The following SLC16A9 variants were observed in gnomAD, a reference collection of about 807,000 sequenced individuals.
The protein encoded by SLC16A9 is monocarboxylate transporter 9.
SLC16A9 carries 26 observed loss-of-function variants against 44.3 expected under a neutral mutation model. That is an observed-to-expected ratio of 0.59 (90% CI 0.43 to 0.81). SLC16A9 has a LOEUF of 0.81. Among genes scored for constraint, SLC16A9 ranks in the 40% least tolerant of loss-of-function variants. The pLI is 0.00. For missense variants in SLC16A9, 559 were observed against 595.8 expected, an observed-to-expected ratio of 0.94 and a Z score of 0.64; for synonymous variants, 230 against 225.1, an observed-to-expected ratio of 1.02 and a Z score of -0.19.
At chr10:59,679,115 T>C (rs556006654) in intron 2 of SLC16A9, among the ~76,000 whole-genome samples, 2 of 152,286 alleles carry the variant, frequency 1.3e-5, no homozygotes, top group African/African-American at 4.8e-5. Context: ...GACTCTCAAA[T>C]CTGCTTTGAG....
Position 59,650,824 on chromosome 10 carries a change from C to T in SLC16A9, c.*1948G>A, listed in dbSNP as rs933078066. 11 of 152,098 alleles carry T rather than the reference C, an allele frequency of 7.2e-5. No individual in the cohort carries two copies. The highest frequency in any genetic ancestry group is 1.9e-4 in the East Asian group (1 of 5,188). 9.4% of individuals were successfully genotyped at this position (152,098 alleles called of 1,614,324 possible). Reference sequence around the variant, plus strand: ...AATTCATCCCCTAGACAACAGATAACGCCCACATTGGATGTTATTTAGCAG... The same window carrying T: ...AATTCATCCCCTAGACAACAGATAATGCCCACATTGGATGTTATTTAGCAG... On this transcript the variant is annotated 3_prime_UTR_variant, in exon 6 of 6. Coordinates refer to ENST00000395348, the MANE Select transcript of SLC16A9 (RefSeq NM_194298.3).
rs12261965 is a variant in SLC16A9, at chr10:59,698,374, C to T, written c.-37+11105G>A. On this transcript the variant is annotated intron_variant, in intron 1 of 5. Transcript: ENST00000395348. The stretch of plus-strand genomic sequence containing the variant: ...GACTTGCTGTATTTGACTCTGTCCC[C>T]ACTGGTGGTGGCAATGCTATTAACC... Among the ~76,000 whole-genome samples, 1,017 of 152,278 alleles carry T rather than the reference C, an allele frequency of 6.7e-3. 8 individuals carry two copies. Among genetic ancestry groups the T allele is most frequent in the African/African-American group, 0.023 (948 of 41,546 alleles).
At chr10:59,678,853 A>G (rs979224532) in intron 2 of SLC16A9, among the ~76,000 whole-genome samples, 3 of 151,996 alleles carry the variant, frequency 2.0e-5, no homozygotes, top group African/African-American at 7.3e-5. Context: ...ACCAATCTTA[A>G]AACTGCCTAG....
intron 4 of SLC16A9, among the ~76,000 whole-genome samples, chr10:59,655,031 C>G (rs1014983518): frequency 3.3e-5 from 5 of 152,154 alleles, no homozygotes; most frequent in African/African-American, 4.8e-5. Context: ...GTGGCTCAGG[C>G]CTGTAATCCC....
rs547947056 is a variant in SLC16A9 at position 59,696,500 on chromosome 10, G to A, written c.-36-12173C>T. Among the ~76,000 whole-genome samples the A allele has an allele frequency of 2.5e-4, 38 of 152,302 alleles. No homozygotes were observed. The South Asian group carries it at 7.9e-3, about 32-fold the overall frequency. ...CTGCCTTGGCCCCCCAAAGTGCCGA[G>A]ATTGCAGCCTCTGCCCGGCCGCCAC... On this transcript the variant is annotated intron_variant, in intron 1 of 5. Transcript: ENST00000395348.
chr10:59,703,413 C>T (rs1333795709), intron 1 of SLC16A9, among the ~76,000 whole-genome samples: 2 of 152,098 alleles, frequency 1.3e-5, no homozygotes, highest in East Asian at 3.8e-4. Flanking sequence ...ATCAATAGTG[C>T]GGCTATGAAA....
At chr10:59,671,047 C>T (rs532928566) in intron 3 of SLC16A9, among the ~76,000 whole-genome samples, 9 of 152,270 alleles carry the variant, frequency 5.9e-5, no homozygotes, top group East Asian at 3.9e-4. Flanking sequence ...AAGACCCATA[C>T]GAGGTAGGTT....
At chr10:59,659,000 T>C (rs1413982566) in intron 4 of SLC16A9, among the ~76,000 whole-genome samples, 1 of 152,138 alleles carries the variant, frequency 6.6e-6, no homozygotes, top group Admixed American at 6.6e-5. Flanking sequence ...ATATGTAAAT[T>C]TACAACTTTT....
intron 3 of SLC16A9, among the ~76,000 whole-genome samples, chr10:59,667,584 C>A (rs976052312): frequency 2.0e-5 from 3 of 152,138 alleles, no homozygotes; most frequent in African/African-American, 7.2e-5. Flanking sequence ...CTTAATACAG[C>A]ACATTTTAAT....
intron 4 of SLC16A9, among the ~76,000 whole-genome samples, chr10:59,662,633 C>CAAAAA (rs71006278): frequency 0.04 from 1,713 of 43,028 alleles, 99 homozygotes; most frequent in Non-Finnish European, 0.057. Context: ...AACTCCATCT[C>CAAAAA]AAAAAAAAAA....
chr10:59,679,717 T>C (rs1009425676), intron 2 of SLC16A9, among the ~76,000 whole-genome samples: 13 of 152,178 alleles, frequency 8.5e-5, no homozygotes, highest in Admixed American at 7.9e-4. Context: ...CCTAGCCAAG[T>C]TGAAACATAA....
intron 1 of SLC16A9, among the ~76,000 whole-genome samples, chr10:59,698,660 G>A (rs1165054069): frequency 6.6e-6 from 1 of 152,140 alleles, no homozygotes; most frequent in Non-Finnish European, 1.5e-5. Flanking sequence ...TGGGCAGTCA[G>A]TGCCCAGATA....
intron 4 of SLC16A9, 52 bp downstream of exon 4, chr10:59,664,175 T>C: frequency 7.6e-7 from 1 of 1,314,772 alleles, no homozygotes; most frequent in Non-Finnish European, 1.1e-6. Context: ...AACTTTTTAC[T>C]TTGTTTAGAA....
At chr10:59,699,482 G>A (rs760919770) in intron 1 of SLC16A9, among the ~76,000 whole-genome samples, 2 of 152,248 alleles carry the variant, frequency 1.3e-5, no homozygotes, top group Admixed American at 6.5e-5. Context: ...TGGATAACCC[G>A]AGTGTACATC....
intron 3 of SLC16A9, among the ~76,000 whole-genome samples, chr10:59,672,431 T>A (rs969400610): frequency 1.3e-5 from 2 of 152,156 alleles, no homozygotes; most frequent in African/African-American, 4.8e-5. Flanking sequence ...AAGGGCCACT[T>A]CATAATTTAG....
chr10:59,658,817 T>C (rs955108934), intron 4 of SLC16A9, among the ~76,000 whole-genome samples: 2 of 152,184 alleles, frequency 1.3e-5, no homozygotes, highest in Admixed American at 1.3e-4. Context: ...TTTTAAAATA[T>C]GTTGGGGAAA....
At chr10:59,676,810 C>A (rs561845612) in intron 2 of SLC16A9, among the ~76,000 whole-genome samples, 1 of 151,354 alleles carries the variant, frequency 6.6e-6, no homozygotes, top group Non-Finnish European at 1.5e-5. Flanking sequence ...GTAATCCCAG[C>A]TACTCGGTAG....
chr10:59,699,901 A>AACACACAC lies in SLC16A9; in HGVS notation c.-37+9570_-37+9577dup, dbSNP rs57820696. 1.5e-3 allele frequency among the ~76,000 whole-genome samples: 220 copies of AACACACAC among 147,666 alleles called. 1 individual carries two copies. The highest frequency in any genetic ancestry group is 4.6e-3 in the African/African-American group (184 of 39,950). Reference sequence around the variant, plus strand: ...TTATTTCAGATTCAACTGCACTGAAAACACACACACACACACACACACACA... The same window carrying AACACACAC: ...TTATTTCAGATTCAACTGCACTGAAAACACACACACACACACACACACACACACACACA... On this transcript the variant is annotated intron_variant, in intron 1 of 5. Transcript: ENST00000395348.
chr10:59,708,385 G>C (rs1840690543), intron 1 of SLC16A9, among the ~76,000 whole-genome samples: 1 of 152,222 alleles, frequency 6.6e-6, no homozygotes, highest in South Asian at 2.1e-4. Flanking sequence ...GCCTAAACCT[G>C]CCTGAAGAAT....
Sources: gnomAD v4.1 joint callset for allele counts (sites outside exome capture counted in the v4.1 genomes callset) on GRCh38, gnomAD v4.1.1 for gene constraint, MANE v1.5 for transcripts, NCBI Gene and HGNC (gene_info 2026-07-23, HGNC 2026-07-21) for gene names.